The following F7 variants were observed in gnomAD, a reference collection of about 807,000 sequenced individuals.
F7 encodes FVII coagulation protein.
Under a neutral mutation model 47.5 loss-of-function variants are expected in F7, and 38 were observed. The ratio of observed to expected loss-of-function variants is 0.80; its 90% CI spans 0.62 to 1.05. The LOEUF (loss-of-function observed/expected upper bound fraction) is 1.05, where lower values mean the gene tolerates loss of function less well. Ranked by LOEUF, F7 falls within the 50% of genes least tolerant of loss-of-function variation. F7 has a pLI of 0.00. For missense variants in F7, 575 were observed against 605.4 expected, an observed-to-expected ratio of 0.95 and a Z score of 0.53; for synonymous variants, 244 against 258.5, an observed-to-expected ratio of 0.94 and a Z score of 0.54.
intron 2 of F7, among the ~76,000 whole-genome samples, chr13:113,111,912 G>A (rs113745347): frequency 0.016 from 1,289 of 80,262 alleles, 10 homozygotes; most frequent in Non-Finnish European, 0.022. Context: ...CACTCAGGGC[G>A]CACTTCACAC....
chr13:113,107,207 C>T (rs139227078), intron 1 of F7, among the ~76,000 whole-genome samples: 86 of 152,064 alleles, frequency 5.7e-4, no homozygotes, highest in African/African-American at 9.7e-4. Flanking sequence ...CACCCCAGGG[C>T]GGTCACCGGC....
At position 113,119,398 on chromosome 13, in the gene F7, G is replaced by A. The variant is rs115484165; in HGVS notation, c.*390G>A. 113 of 280,194 alleles carry A rather than the reference G, an allele frequency of 4.0e-4. No individual in the cohort carries two copies. The highest frequency in any genetic ancestry group is 2.4e-3 in the African/African-American group (109 of 45,812). 17.4% of individuals were successfully genotyped at this position (280,194 alleles called of 1,614,324 possible). A position where few individuals can be genotyped will look rare whatever the true frequency, so the allele number is the denominator to read the frequency against. On this transcript the variant is annotated 3_prime_UTR_variant, in exon 8 of 8. Coordinates refer to ENST00000346342, the MANE Select transcript of F7 (RefSeq NM_019616.4). Reference sequence around the variant, plus strand: ...AAGCCCACCTGCACGTGATCTGCTGGCCTCAGGCTGCTGCTCTGCCTTCAT... The same window carrying A: ...AAGCCCACCTGCACGTGATCTGCTGACCTCAGGCTGCTGCTCTGCCTTCAT...
intron 6 of F7, 65 bp from the exon 7 acceptor site, chr13:113,117,408 A>G: frequency 6.2e-7 from 1 of 1,603,890 alleles, no homozygotes; most frequent in Non-Finnish European, 8.5e-7. Context: ...CATGCCCGGG[A>G]GGGCGAGTCA....
Position 113,113,626 on chromosome 13 carries a change from T to C in F7, c.226-126T>C, listed in dbSNP as rs2036143050. The C allele has an allele frequency of 1.0e-6, 1 of 955,054 alleles. No individual in the cohort carries two copies. The allele number at this position is 955,054 out of a possible 1,614,324, so 59.2% of individuals were successfully genotyped here. Reference sequence around the variant, plus strand: ...CTCAGCTCCAGAGGAAAGTCTGGCTTCCTGAGCCCACCCCGCCAGACCCAG... The same window carrying C: ...CTCAGCTCCAGAGGAAAGTCTGGCTCCCTGAGCCCACCCCGCCAGACCCAG... On this transcript the variant is annotated intron_variant, in intron 2 of 7. Transcript: ENST00000346342. The surrounding 1 kb of genome is among the most constrained non-coding windows in gnomAD (Gnocchi z 4.1).
At position 113,110,841 on chromosome 13, in the gene F7, G is replaced by A. The variant is rs773226522; in HGVS notation, c.216G>A (p.Ala72=). 1 of 1,560,230 alleles carries A rather than the reference G, an allele frequency of 6.4e-7. No homozygotes were observed. Among genetic ancestry groups the A allele is most frequent in the Non-Finnish European group, 8.7e-7 (1 of 1,152,908 alleles). Residue 72 remains alanine (A), a synonymous_variant, in exon 2 of 8, where the codon GCG becomes GCA. Coordinates refer to ENST00000346342, the MANE Select transcript of F7 (RefSeq NM_019616.4). ...AGGCCCGGGAGATCTTCAAGGACGCGGAGAGGACGGTGAGCCCAGCCTCGG... is the reference window on the plus strand; with the variant it reads ...AGGCCCGGGAGATCTTCAAGGACGCAGAGAGGACGGTGAGCCCAGCCTCGG... ...FEEAREIFKD[A]ERTKLFWISY... is the part of the protein sequence containing the mutation.
chr13:113,118,391 G>GA (rs2036233607), intron 7 of F7, 22 bp from the exon 8 acceptor site: 5 of 1,578,874 alleles, frequency 3.2e-6, no homozygotes, highest in Non-Finnish European at 4.3e-6. Flanking sequence ...GAAAGGGCCT[G>GA]AGGGGGGCTT....
chr13:113,111,083 C>G (rs1250884277), intron 2 of F7, among the ~76,000 whole-genome samples: 1 of 152,214 alleles, frequency 6.6e-6, no homozygotes, highest in Admixed American at 6.5e-5. Flanking sequence ...CCGCGCATGC[C>G]GGTTTTCACA....
chr13:113,113,735 C>T lies in F7; in HGVS notation c.226-17C>T, dbSNP rs773173748. ...GTGAAGGTGCATCTCACGAGGCTTG[C>T]TCTCTTGTTCCTTCAGAAGCTGTTC... On this transcript the variant is annotated splice_polypyrimidine_tract_variant and intron_variant, in intron 2 of 7. Transcript: ENST00000346342. The surrounding 1 kb of genome is among the most constrained non-coding windows in gnomAD (Gnocchi z 4.1). 3.7e-6 allele frequency: 6 copies of T among 1,613,292 alleles called. No homozygotes were observed. Among genetic ancestry groups the T allele is most frequent in the Non-Finnish European group, 4.2e-6 (5 of 1,179,322 alleles).
rs554561276 is a variant in F7 at position 113,110,378 on chromosome 13, C to T, written c.65-312C>T. 18 of 317,826 alleles carry T rather than the reference C, an allele frequency of 5.7e-5. No individual in the cohort carries two copies. In the East Asian group the frequency reaches 1.2e-3, roughly 22 times the overall value. 19.7% of individuals were successfully genotyped at this position (317,826 alleles called of 1,614,324 possible). A position where few individuals can be genotyped will look rare whatever the true frequency, so the allele number is the denominator to read the frequency against. ...CGCGCCGCCTTCTCCTCGCCGGCAT[C>T]GACCCGCAGCCTCACGTTTACGCGG... On this transcript the variant is annotated intron_variant, in intron 1 of 7. Transcript: ENST00000346342.
chr13:113,117,050 G>C, intron 6 of F7, 175 bp downstream of exon 6: 13 of 690,164 alleles, frequency 1.9e-5, no homozygotes, highest in East Asian at 2.8e-5. Flanking sequence ...GTGGGGCAAG[G>C]AAGGAGAAAA....
chr13:113,118,444 T>A lies in F7; in HGVS notation c.771T>A (p.Asp257Glu). Reference sequence around the variant, plus strand: ...ACGACCTCAGCGAGCACGACGGGGATGAGCAGAGCCGGCGGGTGGCGCAGG... The same window carrying A: ...ACGACCTCAGCGAGCACGACGGGGAAGAGCAGAGCCGGCGGGTGGCGCAGG... Reference protein sequence around the residue: ...GEHDLSEHDGDEQSRRVAQVI... With the variant: ...GEHDLSEHDGEEQSRRVAQVI... Residue 257 changes from aspartate (D) to glutamate (E), a missense_variant, in exon 8 of 8, where the codon GAT becomes GAA. Physicochemically the swap from Asp to Glu is conservative, Grantham distance 45 (BLOSUM62 2). Coordinates refer to ENST00000346342, the MANE Select transcript of F7 (RefSeq NM_019616.4). The A allele has an allele frequency of 6.2e-7, 1 of 1,604,286 alleles. No homozygotes were observed. Among genetic ancestry groups the A allele is most frequent in the Non-Finnish European group, 8.5e-7 (1 of 1,176,424 alleles).
In F7 at chr13:113,116,804, A is replaced by G. The variant is rs759461617; in HGVS notation, c.544A>G (p.Arg182Gly). The G allele has an allele frequency of 6.2e-7, 1 of 1,613,920 alleles. No homozygotes were observed. The highest frequency in any genetic ancestry group is 1.1e-5 in the South Asian group (1 of 91,088). ...PCGKIPILEK[R>G]NASKPQGRIV... ...TGGAAAAATACCTATTCTAGAAAAAAGAAATGCCAGCAAACCCCAAGGCCG... is the reference window on the plus strand; with the variant it reads ...TGGAAAAATACCTATTCTAGAAAAAGGAAATGCCAGCAAACCCCAAGGCCG... Residue 182 changes from arginine (R) to glycine (G), a missense_variant, in exon 6 of 8, where the codon AGA becomes GGA. By Grantham distance (125) the Arg-to-Gly change is moderately radical. Coordinates refer to ENST00000346342, the MANE Select transcript of F7 (RefSeq NM_019616.4).
chr13:113,110,927 G>A, intron 2 of F7, 77 bp downstream of exon 2: 1 of 1,496,434 alleles, frequency 6.7e-7, no homozygotes, highest in Non-Finnish European at 9.0e-7. Flanking sequence ...GGCCGCCTGC[G>A]TCTCTTTGGC....
rs1489737797 is a variant in F7, at chr13:113,119,740, T to G, written c.*732T>G. The G allele has an allele frequency of 1.3e-5, 2 of 152,558 alleles. No homozygotes were observed. The highest frequency in any genetic ancestry group is 4.9e-5 in the African/African-American group (2 of 41,230). The allele number at this position is 152,558 out of a possible 1,614,324, so 9.5% of individuals were successfully genotyped here. A position where few individuals can be genotyped will look rare whatever the true frequency, so the allele number is the denominator to read the frequency against. Reference sequence around the variant, plus strand: ...ACACACCAATGCGCACACACACCGATGTACACACACAGATGCACACACAGA... The same window carrying G: ...ACACACCAATGCGCACACACACCGAGGTACACACACAGATGCACACACAGA... On this transcript the variant is annotated 3_prime_UTR_variant, in exon 8 of 8. Transcript: ENST00000346342.
At chr13:113,107,087 G>T (rs1428094408) in intron 1 of F7, among the ~76,000 whole-genome samples, 1 of 152,092 alleles carries the variant, frequency 6.6e-6, no homozygotes, top group Admixed American at 6.5e-5. Flanking sequence ...TGGGACTGGG[G>T]TGCAGGCGAT....
intron 7 of F7, 105 bp from the exon 8 acceptor site, chr13:113,118,308 A>C: frequency 1.6e-6 from 2 of 1,283,024 alleles, no homozygotes; most frequent in Non-Finnish European, 2.1e-6. Flanking sequence ...CCAGAAGGAG[A>C]CTGCAGCCCC....
In F7 at chr13:113,115,727, G is replaced by A. The variant is rs761507342; in HGVS notation, c.432G>A (p.Thr144=). 35 of 1,612,934 alleles carry A rather than the reference G, an allele frequency of 2.2e-5. No homozygotes were observed. The highest frequency in any genetic ancestry group is 1.7e-4 in the Admixed American group (10 of 59,994). Residue 144 remains threonine, a synonymous_variant, in exon 5 of 8, where the codon ACG becomes ACA. Coordinates refer to ENST00000346342, the MANE Select transcript of F7 (RefSeq NM_019616.4). ...GTGAGCAGTACTGCAGTGACCACAC[G>A]GGCACCAAGCGCTCCTGTCGGTGCC... ...GGCEQYCSDH[T]GTKRSCRCHE...
Position 113,113,624 on chromosome 13 carries a change from C to T in F7, c.226-128C>T. The T allele has an allele frequency of 1.1e-6, 1 of 937,168 alleles. No individual in the cohort carries two copies. The highest frequency in any genetic ancestry group is 1.6e-5 in the African/African-American group (1 of 62,236). The allele number at this position is 937,168 out of a possible 1,614,324, so 58.1% of individuals were successfully genotyped here. A position where few individuals can be genotyped will look rare whatever the true frequency, so the allele number is the denominator to read the frequency against. The stretch of plus-strand genomic sequence containing the variant: ...ACCTCAGCTCCAGAGGAAAGTCTGG[C>T]TTCCTGAGCCCACCCCGCCAGACCC... On this transcript the variant is annotated intron_variant, in intron 2 of 7. Transcript: ENST00000346342. The surrounding 1 kb of genome is among the most constrained non-coding windows in gnomAD (Gnocchi z 4.1).
chr13:113,110,930 T>G (rs2036080724), intron 2 of F7, 80 bp downstream of exon 2: 1 of 1,481,548 alleles, frequency 6.7e-7, no homozygotes. Context: ...CGCCTGCGTC[T>G]CTTTGGCTGC....
Sources: allele counts gnomAD v4.1 joint callset (sites outside exome capture counted in the v4.1 genomes callset), GRCh38; gene constraint gnomAD v4.1.1; non-coding constraint Gnocchi (gnomAD v3.1); transcripts MANE v1.5; gene names NCBI Gene and HGNC (gene_info 2026-07-23, HGNC 2026-07-21).